SEPTIN7: variants seen among roughly 807,000 people sequenced by gnomAD.
SEPTIN7 encodes the protein septin-7.
In SEPTIN7, 10 loss-of-function variants were observed where a neutral mutation model predicts 63.3. The ratio of observed to expected loss-of-function variants is 0.16; its 90% CI spans 0.10 to 0.27. The LOEUF (loss-of-function observed/expected upper bound fraction) is 0.27, where lower values mean the gene tolerates loss of function less well. Among genes scored for constraint, SEPTIN7 ranks in the 10% least tolerant of loss-of-function variants. The pLI is 1.00. For missense variants in SEPTIN7, 310 were observed against 521.0 expected (o/e 0.59, Z 3.94); for synonymous variants, 131 against 165.3 (o/e 0.79, Z 1.59).
intron 3 of SEPTIN7, among the ~76,000 whole-genome samples, chr7:35,844,339 G>T (rs1478544832): frequency 1.3e-5 from 2 of 152,064 alleles, no homozygotes; most frequent in Admixed American, 1.3e-4. Flanking sequence ...ACTCACTATT[G>T]TGTTTAAATT....
intron 1 of SEPTIN7, among the ~76,000 whole-genome samples, chr7:35,828,474 C>G (rs1783631516): frequency 6.6e-6 from 1 of 151,750 alleles, no homozygotes; most frequent in African/African-American, 2.4e-5. Flanking sequence ...CTCCCAGGTT[C>G]AAGCGATTCT....
chr7:35,842,041 AT>A (rs1057491547), intron 3 of SEPTIN7, among the ~76,000 whole-genome samples: 16 of 152,222 alleles, frequency 1.1e-4, no homozygotes, highest in African/African-American at 3.4e-4. Flanking sequence ...GGAGGTCAGA[AT>A]TTCCCCCTTT....
intron 10 of SEPTIN7, among the ~76,000 whole-genome samples, chr7:35,890,113 A>G (rs1013893582): frequency 5.3e-5 from 8 of 152,214 alleles, no homozygotes; most frequent in Non-Finnish European, 1.0e-4. Context: ...TTGATTTTAT[A>G]TATGATAGAA....
intron 7 of SEPTIN7, among the ~76,000 whole-genome samples, chr7:35,880,151 A>T (rs1786743410): frequency 6.7e-6 from 1 of 149,872 alleles, no homozygotes; most frequent in Admixed American, 6.6e-5. Context: ...CCCCACACAG[A>T]CAATTTCTCC....
rs754863481 is a variant in SEPTIN7, at chr7:35,883,946, A to G, written c.779A>G (p.Lys260Arg). The G allele has an allele frequency of 1.6e-5, 26 of 1,611,158 alleles. No individual in the cohort carries two copies. Among genetic ancestry groups the G allele is most frequent in the East Asian group, 2.2e-5 (1 of 44,816 alleles). The change falls in exon 9 of 14, where the codon AAA becomes AGA. Residue 260 changes from lysine to arginine, a missense_variant. Coordinates refer to ENST00000350320, the MANE Select transcript of SEPTIN7 (RefSeq NM_001788.6). ...AATACTATCATTGAAGTTAATGGCA[A>G]AAGGGTCAGAGGAAGGCAGTATCCT... is the stretch of plus-strand genomic sequence containing the variant. Reference protein sequence around the residue: ...GSNTIIEVNGKRVRGRQYPWG... With the variant: ...GSNTIIEVNGRRVRGRQYPWG...
intron 7 of SEPTIN7, among the ~76,000 whole-genome samples, chr7:35,881,170 T>C (rs1194816974): frequency 6.6e-6 from 1 of 151,908 alleles, no homozygotes; most frequent in Admixed American, 6.6e-5. Flanking sequence ...TTTCAGAAAG[T>C]TTTAGTACAT....
At chr7:35,829,939 G>A (rs1783742954) in intron 1 of SEPTIN7, among the ~76,000 whole-genome samples, 2 of 152,080 alleles carry the variant, frequency 1.3e-5, no homozygotes, top group African/African-American at 4.8e-5. Flanking sequence ...TGTAATCCCA[G>A]CACTTTGGGA....
intron 3 of SEPTIN7, among the ~76,000 whole-genome samples, chr7:35,859,529 T>A (rs944049695): frequency 6.6e-6 from 1 of 152,232 alleles, no homozygotes; most frequent in Non-Finnish European, 1.5e-5. Flanking sequence ...TTTCTTCATA[T>A]CCTGTATTTC....
rs1785398076 is a variant in SEPTIN7, at chr7:35,859,629, C to T, written c.170-3923C>T. On this transcript the variant is annotated intron_variant, in intron 3 of 13. Transcript: ENST00000350320. ...ATTATTATAGAACTGTCTGTTTCTC[C>T]CATTAATTCTACCAATCTTTGCGTT... 3.3e-5 allele frequency among the ~76,000 whole-genome samples: 5 copies of T among 152,122 alleles called. No homozygotes were observed. The South Asian group carries it at 8.3e-4, about 25-fold the overall frequency.
intron 3 of SEPTIN7, among the ~76,000 whole-genome samples, chr7:35,835,839 T>C (rs147594013): frequency 1.3e-5 from 2 of 152,348 alleles, no homozygotes; most frequent in Non-Finnish European, 2.9e-5. Flanking sequence ...CTTTGCTGAA[T>C]GTTATAGTCT....
intron 3 of SEPTIN7, among the ~76,000 whole-genome samples, chr7:35,855,778 A>G (rs1329583867): frequency 1.3e-5 from 2 of 152,154 alleles, no homozygotes; most frequent in Non-Finnish European, 2.9e-5. Context: ...GGATTAGCTT[A>G]TTTAAGTATT....
intron 3 of SEPTIN7, among the ~76,000 whole-genome samples, chr7:35,856,001 C>A (rs1485253857): frequency 6.6e-6 from 1 of 152,096 alleles, no homozygotes; most frequent in African/African-American, 2.4e-5. Flanking sequence ...TATTTATATT[C>A]TTCTGTCATA....
At chr7:35,811,209 A>T (rs1188982808) in intron 1 of SEPTIN7, among the ~76,000 whole-genome samples, 1 of 152,124 alleles carries the variant, frequency 6.6e-6, no homozygotes, top group Admixed American at 6.5e-5. Context: ...TTCCATTTAT[A>T]TATTTTTTTA....
In SEPTIN7 at chr7:35,904,181, C is replaced by CTGT. The variant is rs1356058375; in HGVS notation, c.1275-68_1275-66dup. On this transcript the variant is annotated intron_variant, in intron 13 of 13. Coordinates refer to ENST00000350320, the MANE Select transcript of SEPTIN7 (RefSeq NM_001788.6). ...CCCAACATTGTTGTAATTGGGTTAGCTGTTGTTATCATGTTGTCTATCATG... is the reference window on the plus strand; with the variant it reads ...CCCAACATTGTTGTAATTGGGTTAGCTGTTGTTGTTATCATGTTGTCTATCATG... 6.3e-6 allele frequency: 7 copies of CTGT among 1,104,096 alleles called. No homozygotes were observed. In the South Asian group the frequency reaches 1.1e-4, roughly 17 times the overall value. 68.4% of individuals were successfully genotyped at this position (1,104,096 alleles called of 1,614,324 possible).
chr7:35,808,698 C>T (rs1251062082), intron 1 of SEPTIN7, among the ~76,000 whole-genome samples: 1 of 152,134 alleles, frequency 6.6e-6, no homozygotes, highest in Non-Finnish European at 1.5e-5. Context: ...TCCCTTGCAC[C>T]TCTTTTATAA....
At position 35,904,391 on chromosome 7, in the gene SEPTIN7, T is replaced by C. The variant is rs1788499179; in HGVS notation, c.*98T>C. On this transcript the variant is annotated 3_prime_UTR_variant, in exon 14 of 14. Transcript: ENST00000350320. ...GTTTGACCAATTTGCACCAGTTTTA[T>C]CCATAATGATGGATTTAACAGCATG... The C allele has an allele frequency of 8.5e-6, 8 of 944,140 alleles. No homozygotes were observed. The highest frequency in any genetic ancestry group is 1.7e-5 in the African/African-American group (1 of 58,118). 58.5% of individuals were successfully genotyped at this position (944,140 alleles called of 1,614,324 possible).
intron 1 of SEPTIN7, 146 bp downstream of exon 1, chr7:35,801,416 C>CCGGGGCGCGGCAGCGGCGGGCT: frequency 9.8e-7 from 1 of 1,017,320 alleles, no homozygotes; most frequent in Non-Finnish European, 1.3e-6. Context: ...CACTGCGGGC[C>CCGGGGCGCGGCAGCGGCGGGCT]CGGGGCGCGG....
intron 1 of SEPTIN7, among the ~76,000 whole-genome samples, chr7:35,814,931 C>T (rs192749022): frequency 3.2e-4 from 47 of 144,930 alleles, no homozygotes; most frequent in Non-Finnish European, 5.1e-4. Flanking sequence ...GCCGAGATCT[C>T]GCCACTGCAC....
At chr7:35,810,397 C>T (rs1207375328) in intron 1 of SEPTIN7, among the ~76,000 whole-genome samples, 1 of 151,128 alleles carries the variant, frequency 6.6e-6, no homozygotes, top group Admixed American at 6.6e-5. Flanking sequence ...GATCTCAGCT[C>T]ATTGCCAGCT....
Sources: allele counts gnomAD v4.1 joint callset (sites outside exome capture counted in the v4.1 genomes callset), GRCh38; gene constraint gnomAD v4.1.1; transcripts MANE v1.5; gene names NCBI Gene and HGNC (gene_info 2026-07-23, HGNC 2026-07-21).